FAM98C: variants seen among roughly 807,000 people sequenced by gnomAD.
FAM98C encodes the protein protein FAM98C.
FAM98C carries 38 observed loss-of-function variants against 41.1 expected under a neutral mutation model. The observed-to-expected ratio is 0.92, with a 90% CI of 0.71 to 1.21. The LOEUF (loss-of-function observed/expected upper bound fraction) is 1.21. Among genes scored for constraint, FAM98C ranks in the 50% most tolerant of loss-of-function variants. The pLI is 0.00. For synonymous variants in FAM98C, 195 were observed against 216.7 expected (o/e 0.90, Z 0.88); for missense variants, 493 against 484.7 (o/e 1.02, Z -0.16).
At chr19:38,405,897 G>A (rs1363744044) in intron 6 of FAM98C, 2 of 410,760 alleles carry the variant, frequency 4.9e-6, no homozygotes, top group African/African-American at 4.2e-5. Context: ...TCACTCTGTT[G>A]CCAGGCTGGA....
intron 6 of FAM98C, chr19:38,405,890 C>A (rs1257601183): frequency 3.4e-5 from 15 of 435,630 alleles, no homozygotes; most frequent in Non-Finnish European, 4.1e-5. Flanking sequence ...CGGGGTCTCA[C>A]TCTGTTGCCA....
chr19:38,406,837 A>G lies in FAM98C; in HGVS notation c.751-73A>G, dbSNP rs574466708. Reference sequence around the variant, plus strand: ...CAGTGAGGTCTTGAATGGTAAAGTAATGCTTCCAAGATGACAGGTCCCACG... The same window carrying G: ...CAGTGAGGTCTTGAATGGTAAAGTAGTGCTTCCAAGATGACAGGTCCCACG... On this transcript the variant is annotated intron_variant, in intron 6 of 7. Coordinates refer to ENST00000252530, the MANE Select transcript of FAM98C (RefSeq NM_174905.4). The G allele has an allele frequency of 5.6e-5, 83 of 1,488,550 alleles. No homozygotes were observed. The African/African-American group carries it at 1.1e-3, about 19-fold the overall frequency. The allele number at this position is 1,488,550 out of a possible 1,614,324, so 92.2% of individuals were successfully genotyped here.
chr19:38,407,722 C>A (rs1378086677), intron 7 of FAM98C: 4 of 151,742 alleles, frequency 2.6e-5, no homozygotes, highest in African/African-American at 7.3e-5. Context: ...CAGTGGCTCA[C>A]GCCTGTAATC....
intron 7 of FAM98C, chr19:38,407,895 G>A: frequency 6.6e-6 from 1 of 152,220 alleles, no homozygotes; most frequent in South Asian, 2.1e-4. Context: ...GGCTGAGGCA[G>A]GAGAATGGCG....
In FAM98C at chr19:38,403,341, T is replaced by C; in HGVS notation, c.69T>C (p.Tyr23=). 5 of 1,483,408 alleles carry C rather than the reference T, an allele frequency of 3.4e-6. No individual in the cohort carries two copies. Among genetic ancestry groups the C allele is most frequent in the Non-Finnish European group, 4.4e-6 (5 of 1,132,124 alleles). 91.9% of individuals were successfully genotyped at this position (1,483,408 alleles called of 1,614,324 possible). A position where few individuals can be genotyped will look rare whatever the true frequency, so the allele number is the denominator to read the frequency against. The change falls in exon 2 of 8, where the codon TAT becomes TAC. Residue 23 remains tyrosine (Y), a synonymous_variant. Transcript: ENST00000252530. ...AVAQDLLALG[Y]GGVPGAASRG... ...CCCGCTGCCTCGGTCCCCACAGGTA[T>C]GGAGGTGTCCCGGGGGCGGCGTCGC...
chr19:38,405,229 C>T (rs1971021927), intron 4 of FAM98C, 115 bp from the exon 5 acceptor site: 4 of 1,493,504 alleles, frequency 2.7e-6, no homozygotes, highest in Non-Finnish European at 3.6e-6. Context: ...TTTTCTGGAG[C>T]TGTGACTGGC....
intron 7 of FAM98C, 89 bp downstream of exon 7, chr19:38,407,166 C>T: frequency 6.8e-7 from 1 of 1,478,254 alleles, no homozygotes; most frequent in South Asian, 1.2e-5. Flanking sequence ...TTCAGACTTA[C>T]CACCTCTAAT....
Position 38,408,925 on chromosome 19 carries a change from C to A in FAM98C, c.*43C>A. 2 of 1,527,936 alleles carry A rather than the reference C, an allele frequency of 1.3e-6. No individual in the cohort carries two copies. Among genetic ancestry groups the A allele is most frequent in the Non-Finnish European group, 1.8e-6 (2 of 1,142,578 alleles). 94.6% of individuals were successfully genotyped at this position (1,527,936 alleles called of 1,614,324 possible). ...GGGGCGGGGGGTCCTCCATGAGATG[C>A]TAATGCTATCGGTAATCTCTGGGGA... On this transcript the variant is annotated 3_prime_UTR_variant, in exon 8 of 8. Transcript: ENST00000252530.
intron 7 of FAM98C, chr19:38,408,111 T>C (rs943906631): frequency 6.6e-6 from 1 of 151,756 alleles, no homozygotes; most frequent in Admixed American, 6.6e-5. Flanking sequence ...ACACAGCAAC[T>C]ATTGAGGCAA....
In FAM98C at chr19:38,408,777, G is replaced by C; in HGVS notation, c.945G>C (p.Arg315=). Residue 315 remains arginine (R), a synonymous_variant, in exon 8 of 8, where the codon CGG becomes CGC. Transcript: ENST00000252530. ...NKVLMGNVPD[R]GGRPNELEPP... is the part of the protein sequence containing the mutation. The stretch of plus-strand genomic sequence containing the variant: ...TGCTTATGGGCAACGTTCCAGACCG[G>C]GGGGGCCGCCCAAATGAGCTGGAGC... The C allele has an allele frequency of 2.5e-6, 4 of 1,613,998 alleles. No individual in the cohort carries two copies. Among genetic ancestry groups the C allele is most frequent in the Non-Finnish European group, 3.4e-6 (4 of 1,179,984 alleles).
In FAM98C at chr19:38,408,839, G is replaced by A. The variant is rs766666619; in HGVS notation, c.1007G>A (p.Gly336Glu). The change falls in exon 8 of 8, where the codon GGA (glycine) becomes GAA (glutamate). Residue 336 changes from glycine (G) to glutamate (E), a missense_variant. Physicochemically the swap from Gly to Glu is moderately conservative, Grantham distance 98 (BLOSUM62 -2). Transcript: ENST00000252530. Reference protein sequence around the residue: ...MPTWRSRREDGGPQCWGRKKK... With the variant: ...MPTWRSRREDEGPQCWGRKKK... ...ACCTGGAGGAGCCGAAGAGAGGATGGAGGCCCCCAGTGTTGGGGTCGCAAG... is the reference window on the plus strand; with the variant it reads ...ACCTGGAGGAGCCGAAGAGAGGATGAAGGCCCCCAGTGTTGGGGTCGCAAG... 1.9e-6 allele frequency: 3 copies of A among 1,605,250 alleles called. No homozygotes were observed. The Admixed American group carries it at 5.2e-5, about 28-fold the overall frequency.
In FAM98C at chr19:38,405,517, A is replaced by G; in HGVS notation, c.634-2A>G. ...GCCTGACCTTGAGACCTTTTCTCCC[A>G]GGAAGCGTTGGAGTCTCTGTCCCAA... On this transcript the variant is annotated splice_acceptor_variant, in intron 5 of 7. Coordinates refer to ENST00000252530, the MANE Select transcript of FAM98C (RefSeq NM_174905.4). LOFTEE classifies it high-confidence loss of function. 6.2e-7 allele frequency: 1 copy of G among 1,614,194 alleles called. No homozygotes were observed. Among genetic ancestry groups the G allele is most frequent in the Non-Finnish European group, 8.5e-7 (1 of 1,180,026 alleles).
At chr19:38,405,304 C>T in intron 4 of FAM98C, 40 bp from the exon 5 acceptor site, 12 of 1,601,978 alleles carry the variant, frequency 7.5e-6, no homozygotes, top group Non-Finnish European at 1.0e-5. Context: ...GGGGCCCATC[C>T]TCTCTGCCCC....
In FAM98C at chr19:38,408,563, A is replaced by T. The variant is rs1395771799; in HGVS notation, c.919-188A>T. The T allele has an allele frequency of 5.7e-6, 4 of 701,844 alleles. No individual in the cohort carries two copies. The African/African-American group carries it at 7.3e-5, about 13-fold the overall frequency. 43.5% of individuals were successfully genotyped at this position (701,844 alleles called of 1,614,324 possible). ...AACAGAGTGAGACTCCGTCTCAAAA[A>T]AAAGAAAAGAAAAAAGAAAGCTCAT... On this transcript the variant is annotated intron_variant, in intron 7 of 7. Coordinates refer to ENST00000252530, the MANE Select transcript of FAM98C (RefSeq NM_174905.4).
At chr19:38,403,740 G>C in intron 3 of FAM98C, 46 bp downstream of exon 3, 4 of 1,367,390 alleles carry the variant, frequency 2.9e-6, no homozygotes, top group Non-Finnish European at 3.7e-6. Context: ...CCTCCGGAGC[G>C]GCGGGCTCTG....
intron 7 of FAM98C, 114 bp from the exon 8 acceptor site, chr19:38,408,637 C>A: frequency 7.1e-7 from 1 of 1,403,758 alleles, no homozygotes; most frequent in Non-Finnish European, 1.0e-6. Flanking sequence ...CCACTGTACT[C>A]AAATAGTCAA....
chr19:38,408,900 G>C lies in FAM98C; in HGVS notation c.*18G>C. The C allele has an allele frequency of 6.5e-7, 1 of 1,546,356 alleles. No individual in the cohort carries two copies. The highest frequency in any genetic ancestry group is 8.7e-7 in the Non-Finnish European group (1 of 1,151,886). On this transcript the variant is annotated 3_prime_UTR_variant, in exon 8 of 8. Transcript: ENST00000252530. ...AGAAGTAAAGGGGGACTGGTGGTCG[G>C]GGGCGGGGGGTCCTCCATGAGATGC...
At position 38,409,033 on chromosome 19, in the gene FAM98C, C is replaced by T. The variant is rs1172022655; in HGVS notation, c.*151C>T. ...AGTCCCCAAATGCCCTGCTCCCATT[C>T]ACGTCAATACCAAGAACCATGTTCT... On this transcript the variant is annotated 3_prime_UTR_variant, in exon 8 of 8. Coordinates refer to ENST00000252530, the MANE Select transcript of FAM98C (RefSeq NM_174905.4). 5.9e-6 allele frequency: 4 copies of T among 683,630 alleles called. No individual in the cohort carries two copies. The highest frequency in any genetic ancestry group is 6.4e-5 in the East Asian group (2 of 31,026). The allele number at this position is 683,630 out of a possible 1,614,324, so 42.3% of individuals were successfully genotyped here. A position where few individuals can be genotyped will look rare whatever the true frequency, so the allele number is the denominator to read the frequency against.
intron 6 of FAM98C, 49 bp from the exon 7 acceptor site, chr19:38,406,861 C>T (rs777050780): frequency 1.1e-5 from 17 of 1,582,356 alleles, no homozygotes; most frequent in Middle Eastern, 1.7e-4. Flanking sequence ...ACAGGTCCCA[C>T]GTGGGGAAGG....
Sources: allele counts gnomAD v4.1 joint callset, GRCh38; gene constraint gnomAD v4.1.1; transcripts MANE v1.5; gene names NCBI Gene and HGNC (gene_info 2026-07-23, HGNC 2026-07-21).